Variants in MRPL1 observed in about 807,000 individuals in gnomAD.
MRPL1 encodes the protein mitochondrial ribosomal protein L1, also known as large ribosomal subunit protein uL1m.
Under a neutral mutation model 38.0 loss-of-function variants are expected in MRPL1, and 28 were observed. The ratio of observed to expected loss-of-function variants is 0.74; its 90% CI spans 0.55 to 1.01. The LOEUF is 1.01. MRPL1 is among the 50% of genes least tolerant of loss of function. The probability of loss-of-function intolerance (pLI) is 0.00; values close to 1 mark genes in which losing one functional copy is unlikely to be tolerated. For synonymous variants in MRPL1, 123 were observed against 126.7 expected (o/e 0.97, Z 0.20); for missense variants, 358 against 389.8 (o/e 0.92, Z 0.69).
chr4:77,880,134 T>G (rs1021374427), intron 2 of MRPL1, among the ~76,000 whole-genome samples: 2 of 152,216 alleles, frequency 1.3e-5, no homozygotes, highest in African/African-American at 2.4e-5. Context: ...GGCTTAAAAC[T>G]ATACAAGTTT....
intron 5 of MRPL1, among the ~76,000 whole-genome samples, chr4:77,888,109 T>C (rs1735725230): frequency 6.6e-6 from 1 of 152,188 alleles, no homozygotes; most frequent in Admixed American, 6.5e-5. Context: ...CTCTATAATG[T>C]TGGTGCTTTT....
intron 2 of MRPL1, among the ~76,000 whole-genome samples, chr4:77,872,928 GA>G (rs1735316476): frequency 6.6e-6 from 1 of 152,164 alleles, no homozygotes; most frequent in African/African-American, 2.4e-5. Flanking sequence ...TGCTACTTGG[GA>G]GGCTGAGATA....
intron 6 of MRPL1, among the ~76,000 whole-genome samples, chr4:77,895,069 C>T (rs1735882599): frequency 6.6e-6 from 1 of 151,928 alleles, no homozygotes; most frequent in South Asian, 2.1e-4. Context: ...AGATTGATGC[C>T]GTATTGAGAA....
intron 5 of MRPL1, among the ~76,000 whole-genome samples, chr4:77,888,725 T>C (rs1385413239): frequency 6.6e-6 from 1 of 152,152 alleles, no homozygotes; most frequent in Non-Finnish European, 1.5e-5. Flanking sequence ...GAATTTTTTT[T>C]ATTATACTTT....
intron 7 of MRPL1, among the ~76,000 whole-genome samples, chr4:77,933,511 T>C (rs1270349199): frequency 6.6e-6 from 1 of 151,974 alleles, no homozygotes; most frequent in Non-Finnish European, 1.5e-5. Flanking sequence ...TATAAACTCC[T>C]GGAGATGAAA....
intron 7 of MRPL1, among the ~76,000 whole-genome samples, chr4:77,914,673 CTTA>C (rs1228358097): frequency 6.6e-6 from 1 of 151,658 alleles, no homozygotes; most frequent in Non-Finnish European, 1.5e-5. Flanking sequence ...TGAAATTATT[CTTA>C]TTATGCAGTT....
At position 77,914,401 on chromosome 4, in the gene MRPL1, G is replaced by A. The variant is rs78495852; in HGVS notation, c.777+5029G>A. ...ATTTATGGTGATGGTTGCACAACTC[G>A]ATCAACCTACTAAGAAACATTGAAT... On this transcript the variant is annotated intron_variant, in intron 7 of 8. Coordinates refer to ENST00000315567, the MANE Select transcript of MRPL1 (RefSeq NM_020236.4). Among the ~76,000 whole-genome samples the A allele has an allele frequency of 9.5e-4, 145 of 152,212 alleles. 3 individuals carry two copies. In the East Asian group the frequency reaches 0.022, roughly 23 times the overall value.
chr4:77,885,062 C>A (rs890075012), intron 3 of MRPL1, among the ~76,000 whole-genome samples, 194 bp from the exon 4 acceptor site: 2 of 151,848 alleles, frequency 1.3e-5, no homozygotes, highest in Non-Finnish European at 2.9e-5. Context: ...AAAAAATAAT[C>A]TGTTGTGCTT....
In MRPL1 at chr4:77,952,782, T is replaced by G. The variant is rs1256442801; in HGVS notation, c.*175T>G. ...AAGAAAATAAAATTTTCTCTTTGTC[T>G]GAACCTGCCTTTTAGACCCTGTGAC... On this transcript the variant is annotated 3_prime_UTR_variant, in exon 9 of 9. Coordinates refer to ENST00000315567, the MANE Select transcript of MRPL1 (RefSeq NM_020236.4). 7 of 525,590 alleles carry G rather than the reference T, an allele frequency of 1.3e-5. No individual in the cohort carries two copies. The Admixed American group carries it at 2.1e-4, about 16-fold the overall frequency. The allele number at this position is 525,590 out of a possible 1,614,324, so 32.6% of individuals were successfully genotyped here.
chr4:77,872,353 T>C (rs1172679166), intron 2 of MRPL1, among the ~76,000 whole-genome samples: 2 of 152,220 alleles, frequency 1.3e-5, no homozygotes. Flanking sequence ...AGGCACTTTT[T>C]ATACATCATG....
At chr4:77,881,443 CTTTTTTT>C (rs760628841) in intron 2 of MRPL1, among the ~76,000 whole-genome samples, 3 of 133,106 alleles carry the variant, frequency 2.3e-5, no homozygotes, top group East Asian at 4.2e-4. Context: ...TCAATATTTA[CTTTTTTT>C]TTTTTTTTTT....
intron 7 of MRPL1, among the ~76,000 whole-genome samples, chr4:77,949,112 C>T (rs1737346463): frequency 6.6e-6 from 1 of 152,090 alleles, no homozygotes; most frequent in Non-Finnish European, 1.5e-5. Flanking sequence ...AGTGCAAAAT[C>T]CTGTAAACAT....
intron 1 of MRPL1, among the ~76,000 whole-genome samples, chr4:77,863,461 ATTTTTTT>A (rs969402527): frequency 1.2e-4 from 13 of 112,690 alleles, no homozygotes; most frequent in East Asian, 2.4e-4. Context: ...TTGTGCAACA[ATTTTTTT>A]TTTTTTTTTT....
intron 7 of MRPL1, among the ~76,000 whole-genome samples, chr4:77,927,713 A>C (rs998759976): frequency 2.0e-5 from 3 of 152,100 alleles, no homozygotes; most frequent in African/African-American, 7.2e-5. Flanking sequence ...ACCTCTTTAA[A>C]GTACAATATA....
chr4:77,907,240 A>G lies in MRPL1; in HGVS notation c.671-2026A>G, dbSNP rs1736177790. ...GTTATGGTATAGTGGAATATACCATATTTTTGTTTATTAAATTTGTGTTAA... is the reference window on the plus strand; with the variant it reads ...GTTATGGTATAGTGGAATATACCATGTTTTTGTTTATTAAATTTGTGTTAA... On this transcript the variant is annotated intron_variant, in intron 6 of 8. Coordinates refer to ENST00000315567, the MANE Select transcript of MRPL1 (RefSeq NM_020236.4). 5 of 894,518 alleles carry G rather than the reference A, an allele frequency of 5.6e-6. No individual in the cohort carries two copies. In the South Asian group the frequency reaches 2.6e-4, roughly 46 times the overall value. The allele number at this position is 894,518 out of a possible 1,614,324, so 55.4% of individuals were successfully genotyped here.
intron 7 of MRPL1, among the ~76,000 whole-genome samples, chr4:77,931,325 T>G (rs1736838816): frequency 6.6e-6 from 1 of 152,238 alleles, no homozygotes; most frequent in Non-Finnish European, 1.5e-5. Context: ...TTACTATTGG[T>G]AAGGGGTTGA....
chr4:77,865,618 A>G (rs1735110040), intron 1 of MRPL1, among the ~76,000 whole-genome samples: 1 of 151,988 alleles, frequency 6.6e-6, no homozygotes, highest in Non-Finnish European at 1.5e-5. Flanking sequence ...CTTCCACTTC[A>G]GTCTCCTGAA....
At chr4:77,916,173 A>G (rs980387839) in intron 7 of MRPL1, among the ~76,000 whole-genome samples, 2 of 152,242 alleles carry the variant, frequency 1.3e-5, no homozygotes, top group Non-Finnish European at 2.9e-5. Flanking sequence ...TTAATTTCAG[A>G]TAGTAATTAA....
intron 7 of MRPL1, among the ~76,000 whole-genome samples, chr4:77,914,883 G>T (rs904806549): frequency 1.5e-4 from 23 of 152,132 alleles, no homozygotes; most frequent in Admixed American, 8.5e-4. Flanking sequence ...ACAACCAGGG[G>T]CCAAATCTGG....
Sources: allele counts gnomAD v4.1 joint callset (sites outside exome capture counted in the v4.1 genomes callset), GRCh38; gene constraint gnomAD v4.1.1; transcripts MANE v1.5; gene names NCBI Gene and HGNC (gene_info 2026-07-23, HGNC 2026-07-21).